ERI3: variants seen among roughly 807,000 people sequenced by gnomAD.
ERI3 encodes the protein ERI1 exoribonuclease 3.
A neutral mutation model predicts 44.4 loss-of-function variants in ERI3; 18 were observed. The observed-to-expected ratio is 0.41, with a 90% CI of 0.28 to 0.60. The LOEUF (loss-of-function observed/expected upper bound fraction) is 0.60. ERI3 is among the 20% of genes least tolerant of loss of function. The pLI, the probability that ERI3 is intolerant of heterozygous loss-of-function variation, is 0.36. For missense variants in ERI3, 294 were observed against 435.5 expected (o/e 0.68, Z 2.89); for synonymous variants, 183 against 164.8 (o/e 1.11, Z -0.84).
chr1:44,332,521 A>C (rs1013271131), intron 3 of ERI3, among the ~76,000 whole-genome samples: 4 of 152,160 alleles, frequency 2.6e-5, no homozygotes, highest in Admixed American at 6.5e-5. Context: ...GAAGGTGGAG[A>C]AGCAGTCTGA....
At chr1:44,328,088 G>A (rs11210982) in intron 3 of ERI3, among the ~76,000 whole-genome samples, 52,362 of 152,088 alleles carry the variant, frequency 0.34, 9,831 homozygotes, top group East Asian at 0.5. Flanking sequence ...TGCCTGTGGG[G>A]TGGTTCATAG....
intron 4 of ERI3, 89 bp downstream of exon 4, chr1:44,319,539 A>G (rs1006547255): frequency 8.4e-6 from 7 of 833,962 alleles, no homozygotes; most frequent in East Asian, 2.4e-5. Context: ...GATAAGCCCT[A>G]TGCTTTCTCT....
intron 3 of ERI3, among the ~76,000 whole-genome samples, chr1:44,321,300 G>A (rs1646197718): frequency 6.6e-6 from 1 of 152,148 alleles, no homozygotes; most frequent in African/African-American, 2.4e-5. Context: ...CAAAGATGAG[G>A]AAGCTGACAG....
intron 6 of ERI3, among the ~76,000 whole-genome samples, chr1:44,299,636 T>A (rs182013420): frequency 3.3e-5 from 5 of 152,290 alleles, no homozygotes. Flanking sequence ...TCTTCCAGCC[T>A]TCACTCTCTA....
intron 7 of ERI3, among the ~76,000 whole-genome samples, chr1:44,254,764 T>C (rs1326923353): frequency 2.0e-5 from 3 of 151,868 alleles, no homozygotes; most frequent in Admixed American, 6.6e-5. Flanking sequence ...TGCATCTGCA[T>C]CCTTCCCCAC....
chr1:44,340,672 C>A (rs369024918), intron 2 of ERI3, among the ~76,000 whole-genome samples: 3 of 152,266 alleles, frequency 2.0e-5, no homozygotes, highest in African/African-American at 7.2e-5. Context: ...TAGTGTAGGT[C>A]CTCAATTTCC....
chr1:44,324,248 C>A (rs760071858), intron 3 of ERI3, among the ~76,000 whole-genome samples: 4 of 152,136 alleles, frequency 2.6e-5, no homozygotes, highest in Non-Finnish European at 5.9e-5. Context: ...CAAAACTCTC[C>A]GCAGAATCAG....
At chr1:44,226,931 CT>C (rs773039881) in intron 8 of ERI3, among the ~76,000 whole-genome samples, 16 of 152,022 alleles carry the variant, frequency 1.1e-4, no homozygotes, top group African/African-American at 2.9e-4. Context: ...TTTTTTCCCC[CT>C]AATAGCCAAT....
chr1:44,264,273 T>C (rs1197298304), intron 7 of ERI3, among the ~76,000 whole-genome samples: 1 of 152,110 alleles, frequency 6.6e-6, no homozygotes, highest in Non-Finnish European at 1.5e-5. Flanking sequence ...ATAGTCCAGG[T>C]TACTGACAAG....
At chr1:44,222,091 C>T (rs1478131956) in intron 8 of ERI3, among the ~76,000 whole-genome samples, 4 of 152,256 alleles carry the variant, frequency 2.6e-5, no homozygotes, top group Admixed American at 2.6e-4. Flanking sequence ...CCATTCATCA[C>T]ACCCATGGCC....
intron 7 of ERI3, chr1:44,256,724 G>A (rs1644788747): frequency 6.6e-6 from 1 of 152,232 alleles, no homozygotes; most frequent in Non-Finnish European, 1.5e-5. Context: ...TTGGTACTGG[G>A]GGTCCCAGGA....
chr1:44,354,975 C>T lies in ERI3; in HGVS notation c.52G>A (p.Gly18Arg), dbSNP rs1646968718. 7.3e-7 allele frequency: 1 copy of T among 1,363,874 alleles called. No homozygotes were observed. Among genetic ancestry groups the T allele is most frequent in the Non-Finnish European group, 9.5e-7 (1 of 1,052,380 alleles). The allele number at this position is 1,363,874 out of a possible 1,614,324, so 84.5% of individuals were successfully genotyped here. A position where few individuals can be genotyped will look rare whatever the true frequency, so the allele number is the denominator to read the frequency against. ...ADGGRGRPWE[G>R]GLVSWPPAPP... ...GCGGGGGGCCAGGAGACCAGCCCTC[C>T]TTCCCAGGGCCGCCCCCGCCCCCCG... The change falls in exon 1 of 9, where the codon GGA becomes AGA. Residue 18 changes from glycine to arginine, a missense_variant. Gly to Arg is a moderately radical substitution (Grantham distance 125). Transcript: ENST00000372257.
At chr1:44,225,745 T>C (rs1644022720) in intron 8 of ERI3, among the ~76,000 whole-genome samples, 1 of 152,180 alleles carries the variant, frequency 6.6e-6, no homozygotes, top group South Asian at 2.1e-4. Context: ...AAGGCTGATA[T>C]TCTCCATTAG....
At chr1:44,333,369 C>A (rs1646470168) in intron 3 of ERI3, among the ~76,000 whole-genome samples, 1 of 152,214 alleles carries the variant, frequency 6.6e-6, no homozygotes, top group South Asian at 2.1e-4. Context: ...TGACTGGGGC[C>A]ACAGACAGAG....
rs889487323 is a variant in ERI3, at chr1:44,252,346, C to G, written c.832-4308G>C. ...CGAGCTGCTCCCGGCTGGCTCTCCC[C>G]TCTCGTGGCTCTGCCCGCCTTGGCT... On this transcript the variant is annotated intron_variant, in intron 7 of 8. Coordinates refer to ENST00000372257, the MANE Select transcript of ERI3 (RefSeq NM_024066.3). This position sits in a 1 kb window ranked among gnomAD's most constrained non-coding sequence, Gnocchi z 4.7. Among the ~76,000 whole-genome samples the G allele has an allele frequency of 2.0e-5, 3 of 152,246 alleles. No homozygotes were observed. The highest frequency in any genetic ancestry group is 4.8e-5 in the African/African-American group (2 of 41,464).
At chr1:44,265,285 T>C (rs921248272) in intron 7 of ERI3, among the ~76,000 whole-genome samples, 20 of 152,250 alleles carry the variant, frequency 1.3e-4, no homozygotes, top group African/African-American at 3.9e-4. Flanking sequence ...AGGGCACTGA[T>C]GAATGAACTT....
rs1480360692 is a variant in ERI3 at position 44,354,792 on chromosome 1, G to A, written c.135+100C>T. ...AGTAAGCATCCAGGGTAAGCACATG[G>A]GCCAGCACCCCAGGTTGCATAAATT... On this transcript the variant is annotated intron_variant, in intron 1 of 8. Transcript: ENST00000372257. The A allele has an allele frequency of 7.8e-6, 10 of 1,286,372 alleles. No homozygotes were observed. The African/African-American group carries it at 1.5e-4, about 19-fold the overall frequency. The allele number at this position is 1,286,372 out of a possible 1,614,324, so 79.7% of individuals were successfully genotyped here.
intron 8 of ERI3, among the ~76,000 whole-genome samples, chr1:44,233,217 G>C (rs902032073): frequency 6.6e-6 from 1 of 152,036 alleles, no homozygotes; most frequent in Non-Finnish European, 1.5e-5. Context: ...TTCACCCATA[G>C]TGACAATTTC....
intron 8 of ERI3, among the ~76,000 whole-genome samples, chr1:44,239,097 G>T (rs1049285840): frequency 4.0e-5 from 6 of 151,308 alleles, no homozygotes; most frequent in Admixed American, 1.3e-4. Context: ...TATTTCCTAG[G>T]GTGGGAGACT....
Sources: allele counts gnomAD v4.1 joint callset (sites outside exome capture counted in the v4.1 genomes callset), GRCh38; gene constraint gnomAD v4.1.1; non-coding constraint Gnocchi (gnomAD v3.1); transcripts MANE v1.5; gene names NCBI Gene and HGNC (gene_info 2026-07-23, HGNC 2026-07-21).